The following GOLGA1 variants were observed in gnomAD, a reference collection of about 807,000 sequenced individuals.
GOLGA1 encodes golgin A1.
A neutral mutation model predicts 119.7 loss-of-function variants in GOLGA1; 63 were observed. That is an observed-to-expected ratio of 0.53 (90% CI 0.43 to 0.65). GOLGA1 has a LOEUF of 0.65. GOLGA1 is among the 30% of genes least tolerant of loss of function. The probability of loss-of-function intolerance (pLI) is 0.00; values close to 1 mark genes in which losing one functional copy is unlikely to be tolerated. For synonymous variants in GOLGA1, 318 were observed against 333.4 expected (o/e 0.95, Z 0.50); for missense variants, 798 against 912.8 (o/e 0.87, Z 1.62).
chr9:124,921,701 G>C (rs775745735), intron 9 of GOLGA1, 22 bp downstream of exon 9: 1 of 1,591,552 alleles, frequency 6.3e-7, no homozygotes, highest in East Asian at 2.2e-5. Flanking sequence ...CTTCCCAAGG[G>C]CCCCACAGAC....
At chr9:124,896,863 T>C (rs1262955175) in intron 15 of GOLGA1, among the ~76,000 whole-genome samples, 2 of 152,030 alleles carry the variant, frequency 1.3e-5, no homozygotes, top group African/African-American at 2.4e-5. Context: ...GCCTGGGAAG[T>C]TGAGGCTGCA....
At chr9:124,910,087 C>T (rs551197600) in intron 11 of GOLGA1, among the ~76,000 whole-genome samples, 3 of 152,220 alleles carry the variant, frequency 2.0e-5, no homozygotes, top group East Asian at 1.9e-4. Context: ...TGTGCCACCA[C>T]GCCCAGCTAA....
At chr9:124,898,719 G>T in intron 14 of GOLGA1, 75 bp from the exon 15 acceptor site, 1 of 863,020 alleles carries the variant, frequency 1.2e-6, no homozygotes. Context: ...GCATGGACCA[G>T]GAAGAAGGCA....
At position 124,930,840 on chromosome 9, in the gene GOLGA1, A is replaced by G. The variant is rs528734650; in HGVS notation, c.226+476T>C. Reference sequence around the variant, plus strand: ...ATAATGAGAGTGACACCTTCTATGCAGGTGCTGAAGTCAGAAATACCATTG... The same window carrying G: ...ATAATGAGAGTGACACCTTCTATGCGGGTGCTGAAGTCAGAAATACCATTG... On this transcript the variant is annotated intron_variant, in intron 4 of 22. Coordinates refer to ENST00000373555, the MANE Select transcript of GOLGA1 (RefSeq NM_002077.4). Among the ~76,000 whole-genome samples the G allele has an allele frequency of 2.0e-5, 3 of 152,342 alleles. No homozygotes were observed. In the East Asian group the frequency reaches 5.8e-4, roughly 29 times the overall value.
intron 10 of GOLGA1, among the ~76,000 whole-genome samples, chr9:124,914,757 G>A (rs1321902700): frequency 1.3e-5 from 2 of 152,188 alleles, no homozygotes; most frequent in African/African-American, 4.8e-5. Flanking sequence ...GATAGATGAA[G>A]AATTTAAATC....
chr9:124,932,922 C>CATTA (rs1830797291), intron 3 of GOLGA1, among the ~76,000 whole-genome samples: 1 of 152,116 alleles, frequency 6.6e-6, no homozygotes, highest in Non-Finnish European at 1.5e-5. Flanking sequence ...CCCTCATGAG[C>CATTA]TAATCATCTC....
chr9:124,937,058 C>T lies in GOLGA1; in HGVS notation c.135+1519G>A, dbSNP rs555817675. ...GTGGCTTAACAGAATTGATAGTGTT[C>T]TATCTCTTCAGATGAGTGATAGATT... On this transcript the variant is annotated intron_variant, in intron 3 of 22. Coordinates refer to ENST00000373555, the MANE Select transcript of GOLGA1 (RefSeq NM_002077.4). Among the ~76,000 whole-genome samples, 62 of 152,274 alleles carry T rather than the reference C, an allele frequency of 4.1e-4. No homozygotes were observed. In the South Asian group the frequency reaches 9.5e-3, roughly 23 times the overall value.
Position 124,878,790 on chromosome 9 carries a change from C to G in GOLGA1, c.*1740G>C, listed in dbSNP as rs1829504326. 1 of 152,272 alleles carries G rather than the reference C, an allele frequency of 6.6e-6. No homozygotes were observed. The highest frequency in any genetic ancestry group is 2.4e-5 in the African/African-American group (1 of 41,464). 9.4% of individuals were successfully genotyped at this position (152,272 alleles called of 1,614,324 possible). A position where few individuals can be genotyped will look rare whatever the true frequency, so the allele number is the denominator to read the frequency against. On this transcript the variant is annotated 3_prime_UTR_variant, in exon 23 of 23. Transcript: ENST00000373555. ...TCTGTGGAAATGTAGCTGCCTTTGG[C>G]TGGCTGTGAGCTACCCAGTCTTAGA...
chr9:124,921,357 A>AC, intron 9 of GOLGA1, 117 bp from the exon 10 acceptor site: 1 of 696,976 alleles, frequency 1.4e-6, no homozygotes, highest in East Asian at 2.5e-5. Context: ...ATCATTAGCC[A>AC]CATGCAGGTT....
chr9:124,924,949 G>A (rs909168921), intron 7 of GOLGA1, among the ~76,000 whole-genome samples: 4 of 151,740 alleles, frequency 2.6e-5, no homozygotes, highest in Non-Finnish European at 4.4e-5. Context: ...GTGTGGTGGC[G>A]GGTGCCTGTA....
intron 20 of GOLGA1, 50 bp from the exon 21 acceptor site, chr9:124,882,004 G>C (rs1189895667): frequency 3.6e-6 from 5 of 1,371,926 alleles, no homozygotes; most frequent in Non-Finnish European, 5.0e-6. Context: ...GAGACAGGTG[G>C]AAAAAATCAC....
At chr9:124,905,911 G>A (rs906936808) in intron 12 of GOLGA1, among the ~76,000 whole-genome samples, 2 of 151,624 alleles carry the variant, frequency 1.3e-5, no homozygotes, top group Non-Finnish European at 2.9e-5. Flanking sequence ...TCAGGAGTTC[G>A]AGACCAGCCT....
At chr9:124,909,668 T>C (rs1271314181) in intron 11 of GOLGA1, among the ~76,000 whole-genome samples, 2 of 151,784 alleles carry the variant, frequency 1.3e-5, no homozygotes, top group East Asian at 1.9e-4. Flanking sequence ...ACTGAGATAG[T>C]TGTTAATCTC....
upstream of GOLGA1, among the ~76,000 whole-genome samples, chr9:124,942,285 G>A (rs1259760194): frequency 6.6e-6 from 1 of 152,094 alleles, no homozygotes; most frequent in African/African-American, 2.4e-5. Context: ...AAAAAGTCAC[G>A]GTCCAAATCA....
intron 16 of GOLGA1, among the ~76,000 whole-genome samples, chr9:124,890,136 G>A (rs1588059758): frequency 6.6e-6 from 1 of 152,144 alleles, no homozygotes; most frequent in Non-Finnish European, 1.5e-5. Context: ...CGTGGACATG[G>A]ACCACTTTCC....
intron 3 of GOLGA1, among the ~76,000 whole-genome samples, chr9:124,932,068 G>C (rs1234119611): frequency 6.6e-6 from 1 of 152,030 alleles, no homozygotes; most frequent in Non-Finnish European, 1.5e-5. Context: ...TCAAAATATA[G>C]AAAGGGAGAG....
chr9:124,930,062 T>C (rs1347322999), intron 4 of GOLGA1, among the ~76,000 whole-genome samples: 3 of 152,206 alleles, frequency 2.0e-5, no homozygotes, highest in Non-Finnish European at 2.9e-5. Flanking sequence ...TTGCACACAG[T>C]GCTCAATAAA....
At chr9:124,902,362 T>C (rs1386889386) in intron 12 of GOLGA1, among the ~76,000 whole-genome samples, 2 of 151,858 alleles carry the variant, frequency 1.3e-5, no homozygotes, top group East Asian at 1.9e-4. Context: ...TCCGCCTGCC[T>C]TGGCCTCCCA....
At chr9:124,924,113 C>T (rs1480820853) in intron 7 of GOLGA1, among the ~76,000 whole-genome samples, 11 of 152,198 alleles carry the variant, frequency 7.2e-5, no homozygotes, top group African/African-American at 2.7e-4. Context: ...ACCTCTGCTT[C>T]CCAAAGTGCT....
Sources: gnomAD v4.1 joint callset for allele counts (sites outside exome capture counted in the v4.1 genomes callset) on GRCh38, gnomAD v4.1.1 for gene constraint, MANE v1.5 for transcripts, NCBI Gene and HGNC (gene_info 2026-07-23, HGNC 2026-07-21) for gene names.